The following KLHL29 variants were observed in gnomAD, a reference collection of about 807,000 sequenced individuals.
KLHL29 encodes kelch-like protein 29.
A neutral mutation model predicts 80.4 loss-of-function variants in KLHL29; 21 were observed. That is an observed-to-expected ratio of 0.26 (90% confidence interval 0.19 to 0.38). KLHL29 has a LOEUF of 0.38. Among genes scored for constraint, KLHL29 ranks in the 10% least tolerant of loss-of-function variants. KLHL29 has a pLI of 1.00. For missense variants in KLHL29, 867 were observed against 1,223.9 expected, an observed-to-expected ratio of 0.71 and a Z score of 4.35; for synonymous variants, 511 against 526.8, an observed-to-expected ratio of 0.97 and a Z score of 0.41.
At chr2:23,619,217 TCTGTGACTCTTC>T (rs1478628205) in intron 3 of KLHL29, among the ~76,000 whole-genome samples, 2 of 152,222 alleles carry the variant, frequency 1.3e-5, no homozygotes, top group African/African-American at 4.8e-5. Context: ...AAGCAGCAGG[TCTGTGACTCTTC>T]CTGCAGCAGG....
At chr2:23,658,598 G>A (rs1364573894) in intron 5 of KLHL29, among the ~76,000 whole-genome samples, 1 of 152,206 alleles carries the variant, frequency 6.6e-6, no homozygotes, top group African/African-American at 2.4e-5. Flanking sequence ...CCGTCCATGA[G>A]GGGCCATCTC....
chr2:23,593,864 C>A (rs1307388379), intron 3 of KLHL29, among the ~76,000 whole-genome samples: 3 of 152,206 alleles, frequency 2.0e-5, no homozygotes, highest in Non-Finnish European at 2.9e-5. Flanking sequence ...TGTGGCCAGG[C>A]GTGTCGCCTA....
At chr2:23,566,419 G>A (rs1246226910) in intron 3 of KLHL29, among the ~76,000 whole-genome samples, 1 of 152,222 alleles carries the variant, frequency 6.6e-6, no homozygotes, top group African/African-American at 2.4e-5. Flanking sequence ...ACCAGCCTGG[G>A]CCAGCTCCTC....
intron 2 of KLHL29, among the ~76,000 whole-genome samples, chr2:23,511,561 T>G (rs1301256881): frequency 1.3e-5 from 2 of 152,184 alleles, no homozygotes; most frequent in South Asian, 2.1e-4. Context: ...TAGCTGTGTG[T>G]GAGGACAGGG....
chr2:23,399,587 G>T (rs1213045528), intron 1 of KLHL29, among the ~76,000 whole-genome samples: 1 of 152,282 alleles, frequency 6.6e-6, no homozygotes, highest in East Asian at 1.9e-4. Context: ...TTTATTTGAG[G>T]TGTGATCGTT....
chr2:23,449,370 C>T (rs975401994), intron 1 of KLHL29, among the ~76,000 whole-genome samples: 1 of 152,190 alleles, frequency 6.6e-6, no homozygotes, highest in African/African-American at 2.4e-5. Flanking sequence ...CCCTAAAATT[C>T]ACTGACTTAA....
intron 1 of KLHL29, among the ~76,000 whole-genome samples, chr2:23,449,084 G>A (rs1663793516): frequency 6.6e-6 from 1 of 152,172 alleles, no homozygotes; most frequent in South Asian, 2.1e-4. Flanking sequence ...GCCAGGCTGT[G>A]TGTTCCCAGC....
In KLHL29 at chr2:23,703,388, C is replaced by A. The variant is rs1422606419; in HGVS notation, c.2299+9C>A. The A allele has an allele frequency of 1.4e-6, 2 of 1,480,380 alleles. No homozygotes were observed. The highest frequency in any genetic ancestry group is 1.8e-6 in the Non-Finnish European group (2 of 1,115,468). 91.7% of individuals were successfully genotyped at this position (1,480,380 alleles called of 1,614,324 possible). ...CGAGTCCCCAATGATTGGTGAGAAC[C>A]AGCGGTGTCCTCAGCCCAGGGCCAG... On this transcript the variant is annotated intron_variant, in intron 12 of 13. Transcript: ENST00000486442.
At chr2:23,552,761 C>CTTTTTTTTTTTTTTTTT (rs60558023) in intron 2 of KLHL29, among the ~76,000 whole-genome samples, 1,705 of 95,380 alleles carry the variant, frequency 0.018, 173 homozygotes, top group Non-Finnish European at 0.022. Context: ...GGTTTCTTTT[C>CTTTTTTTTTTTTTTTTT]TTTTTTTTTT....
chr2:23,538,452 C>T (rs1666743522), intron 2 of KLHL29, among the ~76,000 whole-genome samples: 1 of 152,138 alleles, frequency 6.6e-6, no homozygotes, highest in Non-Finnish European at 1.5e-5. Context: ...TGGCCTAGAC[C>T]CTCAACAAGG....
At chr2:23,633,954 A>G (rs1469469948) in intron 3 of KLHL29, among the ~76,000 whole-genome samples, 1 of 151,892 alleles carries the variant, frequency 6.6e-6, no homozygotes, top group Non-Finnish European at 1.5e-5. Context: ...ACCTTTTCTT[A>G]ATGGTGGCAC....
chr2:23,487,331 G>A (rs1264389239), intron 2 of KLHL29, among the ~76,000 whole-genome samples: 1 of 152,160 alleles, frequency 6.6e-6, no homozygotes, highest in Non-Finnish European at 1.5e-5. Context: ...CAAGGACGCT[G>A]GAGAGAGGGG....
chr2:23,475,512 TA>T (rs1210205336), intron 1 of KLHL29, 47 bp from the exon 2 acceptor site: 1 of 166,102 alleles, frequency 6.0e-6, no homozygotes, highest in Non-Finnish European at 1.5e-5. Context: ...GAAAAAAAAT[TA>T]GACCTTTTCC....
chr2:23,474,981 C>G (rs1322271359), intron 1 of KLHL29, among the ~76,000 whole-genome samples: 1 of 151,200 alleles, frequency 6.6e-6, no homozygotes, highest in Admixed American at 6.6e-5. Flanking sequence ...TAGATAGCCT[C>G]TTTCTCCTAG....
At chr2:23,421,865 AT>A (rs1035133145) in intron 1 of KLHL29, among the ~76,000 whole-genome samples, 9 of 146,882 alleles carry the variant, frequency 6.1e-5, no homozygotes, top group Non-Finnish European at 1.0e-4. Flanking sequence ...GTGAATGTGT[AT>A]TTCTGTATGT....
At chr2:23,650,854 A>G (rs1670070578) in intron 5 of KLHL29, among the ~76,000 whole-genome samples, 1 of 152,120 alleles carries the variant, frequency 6.6e-6, no homozygotes, top group Non-Finnish European at 1.5e-5. Context: ...AGAGGTTGGG[A>G]GGAGTTTTGT....
chr2:23,683,173 G>A (rs1295183833), intron 5 of KLHL29, among the ~76,000 whole-genome samples: 1 of 152,236 alleles, frequency 6.6e-6, no homozygotes, highest in East Asian at 1.9e-4. Flanking sequence ...GCCGGCCCTG[G>A]CCCATGTGGA....
intron 2 of KLHL29, among the ~76,000 whole-genome samples, chr2:23,487,968 C>T (rs1315513710): frequency 6.6e-6 from 1 of 152,236 alleles, no homozygotes; most frequent in Admixed American, 6.5e-5. Flanking sequence ...GTAACCAGCC[C>T]GAGGGGAGGC....
chr2:23,524,026 A>C (rs1245065365), intron 2 of KLHL29: 1 of 471,540 alleles, frequency 2.1e-6, no homozygotes, highest in East Asian at 7.0e-5. Context: ...CATGTGAATG[A>C]GTTTTTTTTA....
Sources: allele counts gnomAD v4.1 joint callset (sites outside exome capture counted in the v4.1 genomes callset), GRCh38; gene constraint gnomAD v4.1.1; transcripts MANE v1.5; gene names NCBI Gene and HGNC (gene_info 2026-07-23, HGNC 2026-07-21).